The following ROR1 variants were observed in gnomAD, a reference collection of about 807,000 sequenced individuals.
ROR1 encodes ROR family WNT receptor 1, also known as inactive tyrosine-protein kinase transmembrane receptor ROR1.
In ROR1, 19 loss-of-function variants were observed where a neutral mutation model predicts 78.8. The observed-to-expected ratio is 0.24, with a 90% CI of 0.17 to 0.35. The LOEUF (loss-of-function observed/expected upper bound fraction) is 0.35, where lower values mean the gene tolerates loss of function less well. Among genes scored for constraint, ROR1 ranks in the 10% least tolerant of loss-of-function variants. The pLI is 1.00. For missense variants in ROR1, 917 were observed against 1,177.8 expected (o/e 0.78, Z 3.24); for synonymous variants, 386 against 433.6 (o/e 0.89, Z 1.36).
At chr1:63,871,091 A>T (rs1342438100) in intron 1 of ROR1, among the ~76,000 whole-genome samples, 2 of 152,194 alleles carry the variant, frequency 1.3e-5, no homozygotes, top group Non-Finnish European at 2.9e-5. Context: ...AATAATAAGC[A>T]CTCAATAAAT....
rs555917296 is a variant in ROR1 at position 64,092,052 on chromosome 1, T to C, written c.482+41336T>C. On this transcript the variant is annotated intron_variant, in intron 4 of 8. Coordinates refer to ENST00000371079, the MANE Select transcript of ROR1 (RefSeq NM_005012.4). ...ATTTTGGGTGTGGGTTTATGGTGGG[T>C]GGCGGTAGTTGCCCATGCTTTTGGA... is the stretch of plus-strand genomic sequence containing the variant. Among the ~76,000 whole-genome samples, 39 of 152,172 alleles carry C rather than the reference T, an allele frequency of 2.6e-4. 1 individual carries two copies. The highest frequency in any genetic ancestry group is 9.2e-4 in the African/African-American group (38 of 41,526).
intron 1 of ROR1, among the ~76,000 whole-genome samples, chr1:63,953,362 G>T (rs143249829): frequency 6.6e-6 from 1 of 152,106 alleles, no homozygotes; most frequent in African/African-American, 2.4e-5. Flanking sequence ...ATAACACTGA[G>T]CCCTATATTT....
intron 4 of ROR1, among the ~76,000 whole-genome samples, chr1:64,073,639 G>A (rs752338236): frequency 2.6e-5 from 4 of 152,282 alleles, no homozygotes; most frequent in African/African-American, 7.2e-5. Flanking sequence ...GCAACTCCAT[G>A]CAATGTTTCT....
intron 8 of ROR1, among the ~76,000 whole-genome samples, chr1:64,171,872 A>C (rs1469215819): frequency 6.6e-6 from 1 of 152,186 alleles, no homozygotes; most frequent in Non-Finnish European, 1.5e-5. Context: ...TTGCATACAA[A>C]TGTTGGCAGC....
Position 63,964,335 on chromosome 1 carries a change from T to C in ROR1, c.92-44970T>C, listed in dbSNP as rs190824453. On this transcript the variant is annotated intron_variant, in intron 1 of 8. Coordinates refer to ENST00000371079, the MANE Select transcript of ROR1 (RefSeq NM_005012.4). ...GTTGGGTTTCATAGCAAGAGTTCAGTGTCTTGTTGGCTTCCCTGGGATAAA... is the reference window on the plus strand; with the variant it reads ...GTTGGGTTTCATAGCAAGAGTTCAGCGTCTTGTTGGCTTCCCTGGGATAAA... Among the ~76,000 whole-genome samples the C allele has an allele frequency of 2.4e-3, 367 of 152,330 alleles. 1 individual carries two copies. The highest frequency in any genetic ancestry group is 8.4e-3 in the African/African-American group (350 of 41,582).
In ROR1 at chr1:63,926,485, G is replaced by A. The variant is rs1260825128; in HGVS notation, c.92-82820G>A. On this transcript the variant is annotated intron_variant, in intron 1 of 8. Transcript: ENST00000371079. ...TCTTTCAGCTTAGGATTGACTTGGC[G>A]ATGCGGGCTCTTTTTTGGTTCCATA... 2.5e-3 allele frequency among the ~76,000 whole-genome samples: 380 copies of A among 151,226 alleles called. 1 individual carries two copies. The highest frequency in any genetic ancestry group is 8.3e-3 in the African/African-American group (342 of 41,326).
At chr1:64,075,966 C>A (rs780045919) in intron 4 of ROR1, among the ~76,000 whole-genome samples, 6 of 152,156 alleles carry the variant, frequency 3.9e-5, no homozygotes, top group Non-Finnish European at 8.8e-5. Context: ...TGTCACTTTT[C>A]CAGCAGTGGG....
At chr1:64,096,376 C>T (rs1557649737) in intron 4 of ROR1, among the ~76,000 whole-genome samples, 1 of 152,006 alleles carries the variant, frequency 6.6e-6, no homozygotes, top group East Asian at 1.9e-4. Context: ...TTTCCTGATC[C>T]TCTCCCTCCT....
intron 1 of ROR1, among the ~76,000 whole-genome samples, chr1:63,817,106 T>C (rs968025513): frequency 1.3e-5 from 2 of 152,236 alleles, no homozygotes; most frequent in Non-Finnish European, 2.9e-5. Context: ...CTTCTAAATA[T>C]GTATTTTATA....
At chr1:64,114,219 A>C (rs928962884) in intron 4 of ROR1, among the ~76,000 whole-genome samples, 2 of 152,208 alleles carry the variant, frequency 1.3e-5, no homozygotes. Flanking sequence ...GAGCTGCTTG[A>C]GGCCATCTCA....
intron 1 of ROR1, chr1:63,789,245 C>T: frequency 1.7e-6 from 1 of 585,056 alleles, no homozygotes; most frequent in South Asian, 1.5e-5. Context: ...ACCAGACCTT[C>T]TTCTTGCCAC....
chr1:64,131,771 T>A (rs1006683681), intron 4 of ROR1, among the ~76,000 whole-genome samples: 2 of 152,074 alleles, frequency 1.3e-5, no homozygotes, highest in African/African-American at 4.8e-5. Context: ...TGTGCCACCA[T>A]GCCCTGCTAA....
At chr1:63,789,674 C>CTTT (rs902307163) in intron 1 of ROR1, among the ~76,000 whole-genome samples, 68 of 102,598 alleles carry the variant, frequency 6.6e-4, no homozygotes, top group Non-Finnish European at 7.6e-4. Context: ...CCTTCCTCTC[C>CTTT]TTTTTTTTTT....
intron 1 of ROR1, among the ~76,000 whole-genome samples, chr1:63,805,281 G>A (rs879670452): frequency 2.0e-5 from 3 of 152,188 alleles, no homozygotes; most frequent in African/African-American, 7.2e-5. Flanking sequence ...GGTGTAGCCC[G>A]GAGTTGGGAA....
chr1:63,881,714 C>T (rs576353571), intron 1 of ROR1, among the ~76,000 whole-genome samples: 80 of 152,236 alleles, frequency 5.3e-4, no homozygotes, highest in South Asian at 6.2e-4. Flanking sequence ...GTTAATTTTA[C>T]GCCAGACACT....
intron 1 of ROR1, among the ~76,000 whole-genome samples, chr1:63,955,312 G>A (rs1645972273): frequency 6.6e-6 from 1 of 152,126 alleles, no homozygotes; most frequent in South Asian, 2.1e-4. Flanking sequence ...TGGGGAGTTT[G>A]CTAATATAAG....
At chr1:63,964,116 T>C (rs1305507193) in intron 1 of ROR1, among the ~76,000 whole-genome samples, 3 of 152,226 alleles carry the variant, frequency 2.0e-5, no homozygotes, top group Non-Finnish European at 2.9e-5. Flanking sequence ...GATATGATCA[T>C]CCTTATTTGA....
chr1:64,111,520 A>G (rs1055303304), intron 4 of ROR1, among the ~76,000 whole-genome samples: 2 of 152,226 alleles, frequency 1.3e-5, no homozygotes, highest in African/African-American at 4.8e-5. Flanking sequence ...AAGAACCCTC[A>G]GGAGCATGGG....
At chr1:64,089,300 C>T (rs1647177113) in intron 4 of ROR1, among the ~76,000 whole-genome samples, 1 of 152,032 alleles carries the variant, frequency 6.6e-6, no homozygotes, top group Non-Finnish European at 1.5e-5. Context: ...GACTCAACTT[C>T]CCAGGCTCAG....
Sources: allele counts gnomAD v4.1 joint callset (sites outside exome capture counted in the v4.1 genomes callset), GRCh38; gene constraint gnomAD v4.1.1; transcripts MANE v1.5; gene names NCBI Gene and HGNC (gene_info 2026-07-23, HGNC 2026-07-21).